The following INSL5 variants were observed in gnomAD, a reference collection of about 807,000 sequenced individuals.
INSL5 encodes insulin-like peptide INSL5.
Under a neutral mutation model 4.3 loss-of-function variants are expected in INSL5, and 3 were observed. The observed-to-expected ratio is 0.70, with a 90% CI of 0.32 to 1.82. The LOEUF (loss-of-function observed/expected upper bound fraction) is 1.82, where lower values mean the gene tolerates loss of function less well. Ranked by LOEUF, INSL5 falls within the 40% of genes most tolerant of loss-of-function variation. The probability of loss-of-function intolerance (pLI) is 0.08; values close to 1 mark genes in which losing one functional copy is unlikely to be tolerated. For synonymous variants in INSL5, 68 were observed against 56.6 expected, an observed-to-expected ratio of 1.20 and a Z score of -0.90; for missense variants, 168 against 160.9, an observed-to-expected ratio of 1.04 and a Z score of -0.24.
chr1:66,798,804 T>G (rs1645357742), intron 1 of INSL5, among the ~76,000 whole-genome samples: 2 of 152,170 alleles, frequency 1.3e-5, no homozygotes, highest in East Asian at 3.8e-4. Context: ...AAAAACTAGG[T>G]GAACAGATGC....
intron 1 of INSL5, 27 bp downstream of exon 1, chr1:66,801,020 T>C (rs754384040): frequency 3.3e-6 from 5 of 1,517,110 alleles, no homozygotes; most frequent in South Asian, 1.2e-5. Context: ...GAAAGGAAAA[T>C]AGAGGAGACA....
At chr1:66,799,237 A>G (rs1199586347) in intron 1 of INSL5, among the ~76,000 whole-genome samples, 3 of 152,238 alleles carry the variant, frequency 2.0e-5, no homozygotes, top group Non-Finnish European at 4.4e-5. Context: ...AACCTTAACA[A>G]TCATACATAT....
intron 1 of INSL5, 75 bp from the exon 2 acceptor site, chr1:66,798,320 G>A: frequency 2.0e-6 from 2 of 988,210 alleles, no homozygotes; most frequent in Middle Eastern, 5.6e-4. Flanking sequence ...TTCCACTCCT[G>A]GGGAAATGAA....
In INSL5 at chr1:66,797,946, A is replaced by C; in HGVS notation, c.*67T>G. 1.9e-6 allele frequency: 2 copies of C among 1,078,094 alleles called. No individual in the cohort carries two copies. The highest frequency in any genetic ancestry group is 2.7e-5 in the South Asian group (2 of 72,872). The allele number at this position is 1,078,094 out of a possible 1,614,324, so 66.8% of individuals were successfully genotyped here. On this transcript the variant is annotated 3_prime_UTR_variant, in exon 2 of 2. Transcript: ENST00000304526. ...AATAACACAATATTAGTGTTCTACC[A>C]GGCAGTAAAACACTGTAATTAAACA...
At chr1:66,799,798 C>T (rs1645362942) in intron 1 of INSL5, among the ~76,000 whole-genome samples, 2 of 152,052 alleles carry the variant, frequency 1.3e-5, no homozygotes, top group South Asian at 4.2e-4. Context: ...GCCTGTAATC[C>T]CAGTGCTCTG....
intron 1 of INSL5, among the ~76,000 whole-genome samples, chr1:66,798,593 C>CA (rs201646297): frequency 4.5e-4 from 67 of 150,028 alleles, no homozygotes; most frequent in South Asian, 2.5e-3. Flanking sequence ...AACACATAAA[C>CA]AAAAAAAAAC....
intron 1 of INSL5, among the ~76,000 whole-genome samples, chr1:66,800,018 G>A (rs942694108): frequency 6.6e-6 from 1 of 152,076 alleles, no homozygotes; most frequent in Non-Finnish European, 1.5e-5. Context: ...CAGCCTGGGT[G>A]AGAGGGCAAG....
Position 66,798,173 on chromosome 1 carries a change from G to A in INSL5, c.248C>T (p.Pro83Leu), listed in dbSNP as rs200838427. ...FSEENPAQNL[P>L]KVDASGEDRL... Reference sequence around the variant, plus strand: ...GTCTTCCCCTGAGGCATCCACCTTCGGAAGGTTTTGCGCTGGATTTTCCTC... The same window carrying A: ...GTCTTCCCCTGAGGCATCCACCTTCAGAAGGTTTTGCGCTGGATTTTCCTC... The change falls in exon 2 of 2, where the codon CCG becomes CTG. Residue 83 changes from proline (P) to leucine (L), a missense_variant. By Grantham distance (98) the Pro-to-Leu change is moderately conservative (BLOSUM62 -3). Transcript: ENST00000304526. The A allele has an allele frequency of 8.7e-5, 140 of 1,613,946 alleles. No homozygotes were observed. The African/African-American group carries it at 1.1e-3, about 12-fold the overall frequency.
chr1:66,799,909 T>C (rs1645363871), intron 1 of INSL5, among the ~76,000 whole-genome samples: 1 of 151,966 alleles, frequency 6.6e-6, no homozygotes, highest in Admixed American at 6.6e-5. Context: ...ATTAGCCAGA[T>C]GTGGTGGCAC....
Position 66,798,107 on chromosome 1 carries a change from T to G in INSL5, c.314A>C (p.Lys105Thr), listed in dbSNP as rs1235720848. 1.2e-6 allele frequency: 2 copies of G among 1,614,170 alleles called. No individual in the cohort carries two copies. Among genetic ancestry groups the G allele is most frequent in the Non-Finnish European group, 1.7e-6 (2 of 1,180,008 alleles). Residue 105 changes from lysine to threonine, a missense_variant, in exon 2 of 2, where the codon AAG becomes ACG. By Grantham distance (78) the Lys-to-Thr change is moderately conservative (BLOSUM62 -1). Coordinates refer to ENST00000304526, the MANE Select transcript of INSL5 (RefSeq NM_005478.6). ...TGACATCACTGAATGCTTCTTTGACTTCCAAAGCTCTTCAGTGGGCATCTG... is the reference window on the plus strand; with the variant it reads ...TGACATCACTGAATGCTTCTTTGACGTCCAAAGCTCTTCAGTGGGCATCTG... ...GGQMPTEELWKSKKHSVMSRQ... is the reference protein window; with the variant it reads ...GGQMPTEELWTSKKHSVMSRQ...
chr1:66,800,948 T>TA (rs1645371859), intron 1 of INSL5, 99 bp downstream of exon 1: 1 of 905,934 alleles, frequency 1.1e-6, no homozygotes, highest in South Asian at 2.2e-5. Flanking sequence ...CAACAGTACT[T>TA]AGAGAAACAC....
At chr1:66,798,293 A>G (rs1430444435) in intron 1 of INSL5, 48 bp from the exon 2 acceptor site, 30 of 1,325,826 alleles carry the variant, frequency 2.3e-5, no homozygotes, top group Non-Finnish European at 3.0e-5. Context: ...GCTCCTACAA[A>G]GAAGGCAGCA....
intron 1 of INSL5, among the ~76,000 whole-genome samples, chr1:66,799,749 T>C (rs1645362651): frequency 6.6e-6 from 1 of 152,182 alleles, no homozygotes; most frequent in Non-Finnish European, 1.5e-5. Context: ...AAAAAAATAA[T>C]TTTTTAAATA....
chr1:66,798,818 T>A (rs1002880552), intron 1 of INSL5, among the ~76,000 whole-genome samples: 1 of 152,204 alleles, frequency 6.6e-6, no homozygotes, highest in African/African-American at 2.4e-5. Flanking sequence ...CAGATGCTGG[T>A]TGGTAAACCA....
chr1:66,799,615 A>G (rs1302360937), intron 1 of INSL5, among the ~76,000 whole-genome samples: 2 of 152,236 alleles, frequency 1.3e-5, no homozygotes, highest in Non-Finnish European at 1.5e-5. Flanking sequence ...TCACAAAAAC[A>G]TAAGTATGTG....
At chr1:66,798,555 C>T (rs1161724625) in intron 1 of INSL5, among the ~76,000 whole-genome samples, 1 of 151,874 alleles carries the variant, frequency 6.6e-6, no homozygotes, top group Admixed American at 6.6e-5. Context: ...CAGCAGCTTC[C>T]AATATTAGTT....
chr1:66,797,961 G>C lies in INSL5; in HGVS notation c.*52C>G, dbSNP rs371894597. The stretch of plus-strand genomic sequence containing the variant: ...GTGTTCTACCAGGCAGTAAAACACT[G>C]TAATTAAACATGTGATAAAGCTCTG... On this transcript the variant is annotated 3_prime_UTR_variant, in exon 2 of 2. Transcript: ENST00000304526. The C allele has an allele frequency of 8.0e-7, 1 of 1,256,972 alleles. No homozygotes were observed. The highest frequency in any genetic ancestry group is 1.2e-6 in the Non-Finnish European group (1 of 862,660). The allele number at this position is 1,256,972 out of a possible 1,614,324, so 77.9% of individuals were successfully genotyped here.
rs577596448 is a variant in INSL5, at chr1:66,798,758, A to G, written c.176-513T>C. Among the ~76,000 whole-genome samples the G allele has an allele frequency of 1.1e-4, 16 of 152,344 alleles. No homozygotes were observed. In the South Asian group the frequency reaches 3.3e-3, roughly 32 times the overall value. The stretch of plus-strand genomic sequence containing the variant: ...TCTCACTTTAATTTAGTTCAAATTG[A>G]CTTATCAATGCCTTAGCACACCAGC... On this transcript the variant is annotated intron_variant, in intron 1 of 1. Transcript: ENST00000304526.
intron 1 of INSL5, among the ~76,000 whole-genome samples, 177 bp downstream of exon 1, chr1:66,800,870 A>G (rs1219973831): frequency 1.3e-5 from 2 of 152,240 alleles, no homozygotes; most frequent in African/African-American, 4.8e-5. Flanking sequence ...TAGCATGCTC[A>G]TCACTTTCCC....
Sources: gnomAD v4.1 joint callset for allele counts (sites outside exome capture counted in the v4.1 genomes callset) on GRCh38, gnomAD v4.1.1 for gene constraint, MANE v1.5 for transcripts, NCBI Gene and HGNC (gene_info 2026-07-23, HGNC 2026-07-21) for gene names.